Variants in RHBDF1 observed in about 807,000 individuals in gnomAD.
RHBDF1 encodes inactive rhomboid protein 1.
In RHBDF1, 80 loss-of-function variants were observed where a neutral mutation model predicts 98.6. The observed-to-expected ratio is 0.81, with a 90% CI of 0.68 to 0.98. The LOEUF (loss-of-function observed/expected upper bound fraction) is 0.98, where lower values mean the gene tolerates loss of function less well. Ranked by LOEUF, RHBDF1 falls within the 50% of genes least tolerant of loss-of-function variation. The pLI, the probability that RHBDF1 is intolerant of heterozygous loss-of-function variation, is 0.00. For missense variants in RHBDF1, 1,116 were observed against 1,198.3 expected, an observed-to-expected ratio of 0.93 and a Z score of 1.01; for synonymous variants, 512 against 486.8, an observed-to-expected ratio of 1.05 and a Z score of -0.68.
At position 59,078 on chromosome 16, in the gene RHBDF1, C is replaced by A; in HGVS notation, c.2044G>T (p.Asp682Tyr). The A allele has an allele frequency of 6.2e-7, 1 of 1,613,610 alleles. No individual in the cohort carries two copies. The highest frequency in any genetic ancestry group is 8.5e-7 in the Non-Finnish European group (1 of 1,180,016). ...SICFQMTVLR[D>Y]LEKLAGWHRI... ...TGCCAGCCTGCCAGCTTCTCCAGGT[C>A]CCGCAGGACAGTCATCTGGAAGCAG... The change falls in exon 17 of 18, where the codon GAC (aspartate) becomes TAC (tyrosine). Residue 682 changes from aspartate (D) to tyrosine (Y), a missense_variant. By Grantham distance (160) the Asp-to-Tyr change is radical (BLOSUM62 -3). Coordinates refer to ENST00000262316, the MANE Select transcript of RHBDF1 (RefSeq NM_022450.5).
rs1194735783 is a variant in RHBDF1 at position 61,702 on chromosome 16, G to C, written c.1209-6C>G. ...GCCAGTAGGTGAAGAAGGGCCTGCG[G>C]GGTGGAGCGTCAGCGGGGGCCTCAT... On this transcript the variant is annotated splice_polypyrimidine_tract_variant and splice_region_variant and intron_variant, in intron 8 of 17. Coordinates refer to ENST00000262316, the MANE Select transcript of RHBDF1 (RefSeq NM_022450.5). 3 of 1,613,324 alleles carry C rather than the reference G, an allele frequency of 1.9e-6. No homozygotes were observed. Among genetic ancestry groups the C allele is most frequent in the Non-Finnish European group, 2.5e-6 (3 of 1,179,850 alleles).
intron 1 of RHBDF1, among the ~76,000 whole-genome samples, chr16:70,993 G>C (rs1411151553): frequency 1.3e-5 from 2 of 152,244 alleles, no homozygotes; most frequent in African/African-American, 4.8e-5. Context: ...GGGGGAACTG[G>C]AGCCGGTGTG....
Position 59,727 on chromosome 16 carries a change from C to G in RHBDF1, c.1817+5G>C. 1 of 1,613,788 alleles carries G rather than the reference C, an allele frequency of 6.2e-7. No individual in the cohort carries two copies. ...CCAGCTGCACTCGCTGGCACGCACA[C>G]GTACCTGCCCTTGGTGCCAATGCAG... On this transcript the variant is annotated splice_donor_5th_base_variant and intron_variant, in intron 14 of 17. Transcript: ENST00000262316.
At chr16:74,030 A>C, upstream of RHBDF1, 1 of 737,134 alleles carries the variant, frequency 1.4e-6, no homozygotes, top group Non-Finnish European at 1.7e-6. Context: ...CAATATCAAC[A>C]CAATTCTCAT....
At chr16:60,906 T>C (rs1415378334) in intron 11 of RHBDF1, 4 of 602,300 alleles carry the variant, frequency 6.6e-6, no homozygotes, top group Non-Finnish European at 1.2e-5. Flanking sequence ...TACACCCAAA[T>C]CAAAAGACCA....
At chr16:70,925 C>T (rs1038367469) in intron 1 of RHBDF1, among the ~76,000 whole-genome samples, 4 of 152,216 alleles carry the variant, frequency 2.6e-5, no homozygotes, top group African/African-American at 7.2e-5. Context: ...GAAAAAAAGG[C>T]AGAAGCCAAG....
At chr16:68,141 C>T (rs1023765387) in intron 1 of RHBDF1, among the ~76,000 whole-genome samples, 3 of 152,202 alleles carry the variant, frequency 2.0e-5, no homozygotes, top group East Asian at 1.9e-4. Context: ...CATGCCTCTA[C>T]ATCCAGGTCT....
chr16:63,814 G>C lies in RHBDF1; in HGVS notation c.249-14C>G. ...TCGGCGGTCCCCCTGGCATGGCAGG[G>C]ACTCAGCAAGGGGCGGCCAGATCGC... On this transcript the variant is annotated splice_polypyrimidine_tract_variant and intron_variant, in intron 3 of 17. Coordinates refer to ENST00000262316, the MANE Select transcript of RHBDF1 (RefSeq NM_022450.5). The C allele has an allele frequency of 6.2e-7, 1 of 1,610,514 alleles. No homozygotes were observed. Among genetic ancestry groups the C allele is most frequent in the Non-Finnish European group, 8.5e-7 (1 of 1,177,908 alleles).
Position 61,709 on chromosome 16 carries a change from G to A in RHBDF1, c.1209-13C>T. 1 of 1,613,068 alleles carries A rather than the reference G, an allele frequency of 6.2e-7. No individual in the cohort carries two copies. Among genetic ancestry groups the A allele is most frequent in the Non-Finnish European group, 8.5e-7 (1 of 1,179,782 alleles). On this transcript the variant is annotated splice_polypyrimidine_tract_variant and intron_variant, in intron 8 of 17. Coordinates refer to ENST00000262316, the MANE Select transcript of RHBDF1 (RefSeq NM_022450.5). Reference sequence around the variant, plus strand: ...GGTGAAGAAGGGCCTGCGGGGTGGAGCGTCAGCGGGGGCCTCATCCCCGAC... The same window carrying A: ...GGTGAAGAAGGGCCTGCGGGGTGGAACGTCAGCGGGGGCCTCATCCCCGAC...
chr16:72,639 C>T, upstream of RHBDF1: 3 of 910,666 alleles, frequency 3.3e-6, no homozygotes, highest in South Asian at 5.4e-5. Flanking sequence ...TGCCCTGGAG[C>T]GAGGGGCGTG....
chr16:59,437 C>T lies in RHBDF1; in HGVS notation c.1875G>A (p.Glu625=), dbSNP rs537248615. The T allele has an allele frequency of 5.0e-6, 8 of 1,613,846 alleles. No homozygotes were observed. Among genetic ancestry groups the T allele is most frequent in the East Asian group, 2.2e-5 (1 of 44,876 alleles). Residue 625 remains glutamate, a synonymous_variant, in exon 15 of 18, where the codon GAG becomes GAA. Transcript: ENST00000262316. The part of the protein sequence containing the change: ...CDFMRGYFHE[E]ATLCSQVHCM... ...GACCTACCTGAGAGCAGAGCGTGGC[C>T]TCCTCATGGAAGTAGCCCCTCATGA...
upstream of RHBDF1, among the ~76,000 whole-genome samples, chr16:75,885 T>C (rs1357091687): frequency 6.6e-6 from 1 of 152,066 alleles, no homozygotes; most frequent in Non-Finnish European, 1.5e-5. Flanking sequence ...CCCCCCTCCA[T>C]CAGAGAGAAG....
At chr16:60,579 G>A (rs943552278) in intron 11 of RHBDF1, 40 bp from the exon 12 acceptor site, 3 of 1,467,160 alleles carry the variant, frequency 2.0e-6, no homozygotes, top group Non-Finnish European at 9.4e-7. Flanking sequence ...AGTTGGGTCA[G>A]GGCAATGAGG....
chr16:62,569 G>T lies in RHBDF1; in HGVS notation c.922C>A (p.Arg308Ser), dbSNP rs150122375. ...QADLTGGALD[R>S]SELERSHLML... ...AGGTGGCTGCGCTCAAGCTCGCTGCGGTCCAGGGCCCCGCCGGTGAGGTCC... is the reference window on the plus strand; with the variant it reads ...AGGTGGCTGCGCTCAAGCTCGCTGCTGTCCAGGGCCCCGCCGGTGAGGTCC... The change falls in exon 7 of 18, where the codon CGC (arginine) becomes AGC (serine). Residue 308 changes from arginine (R) to serine (S), a missense_variant. By Grantham distance (110) the Arg-to-Ser change is moderately radical. Coordinates refer to ENST00000262316, the MANE Select transcript of RHBDF1 (RefSeq NM_022450.5). The T allele has an allele frequency of 6.2e-7, 1 of 1,613,318 alleles. No homozygotes were observed. Among genetic ancestry groups the T allele is most frequent in the South Asian group, 1.1e-5 (1 of 91,084 alleles).
rs779952409 is a variant in RHBDF1 at position 59,311 on chromosome 16, A to G, written c.1932T>C (p.Phe644=). ...CMDDVCGLLP[F]LNPEVPDQFY... ...ACTGGTCAGGCACCTCGGGGTTGAGAAAAGGCAGGAGCCCACACACATCAT... is the reference window on the plus strand; with the variant it reads ...ACTGGTCAGGCACCTCGGGGTTGAGGAAAGGCAGGAGCCCACACACATCAT... The change falls in exon 16 of 18, where the codon TTT becomes TTC. Residue 644 remains phenylalanine (F), a synonymous_variant. Coordinates refer to ENST00000262316, the MANE Select transcript of RHBDF1 (RefSeq NM_022450.5). 3.4e-5 allele frequency: 54 copies of G among 1,611,890 alleles called. No homozygotes were observed. Among genetic ancestry groups the G allele is most frequent in the Non-Finnish European group, 4.2e-5 (49 of 1,178,856 alleles).
intron 8 of RHBDF1, 39 bp from the exon 9 acceptor site, chr16:61,735 C>A: frequency 6.2e-7 from 1 of 1,612,222 alleles, no homozygotes; most frequent in Non-Finnish European, 8.5e-7. Flanking sequence ...CATCCCCGAC[C>A]CGGAGCCCCC....
At chr16:60,361 G>A in intron 12 of RHBDF1, 78 bp downstream of exon 12, 1 of 1,598,560 alleles carries the variant, frequency 6.3e-7, no homozygotes, top group Non-Finnish European at 8.6e-7. Context: ...AACAAGAGGA[G>A]CCCCTACACC....
chr16:64,024 G>C, intron 3 of RHBDF1: 1 of 702,938 alleles, frequency 1.4e-6, no homozygotes, highest in Non-Finnish European at 2.6e-6. Flanking sequence ...GCCTTGCCCG[G>C]TTGAGTGCTT....
Position 61,653 on chromosome 16 carries a change from T to A in RHBDF1, c.1252A>T (p.Thr418Ser). The change falls in exon 9 of 18, where the codon ACC (threonine) becomes TCC (serine). Residue 418 changes from threonine to serine, a missense_variant. Transcript: ENST00000262316. Reference protein sequence around the residue: ...YWLTFVHSLVTILAVCIYGIA... With the variant: ...YWLTFVHSLVSILAVCIYGIA... Reference sequence around the variant, plus strand: ...CCATAGATGCACACGGCTAGGATGGTGACGAGCGAGTGCACGAAGGTAAGC... The same window carrying A: ...CCATAGATGCACACGGCTAGGATGGAGACGAGCGAGTGCACGAAGGTAAGC... 3 of 1,613,344 alleles carry A rather than the reference T, an allele frequency of 1.9e-6. No homozygotes were observed. Among genetic ancestry groups the A allele is most frequent in the Non-Finnish European group, 1.7e-6 (2 of 1,179,896 alleles).
Sources: allele counts gnomAD v4.1 joint callset (sites outside exome capture counted in the v4.1 genomes callset), GRCh38; gene constraint gnomAD v4.1.1; transcripts MANE v1.5; gene names NCBI Gene and HGNC (gene_info 2026-07-23, HGNC 2026-07-21).